The following URI1 variants were observed in gnomAD, a reference collection of about 807,000 sequenced individuals.
The protein encoded by URI1 is unconventional prefoldin RPB5 interactor 1.
In URI1, 39 loss-of-function variants were observed where a neutral mutation model predicts 60.2. The observed-to-expected ratio is 0.65, with a 90% CI of 0.50 to 0.85. The LOEUF is 0.85. Ranked by LOEUF, URI1 falls within the 40% of genes least tolerant of loss-of-function variation. The pLI is 0.00. For missense variants in URI1, 691 were observed against 665.9 expected (o/e 1.04, Z -0.42); for synonymous variants, 251 against 236.8 (o/e 1.06, Z -0.55).
chr19:29,951,717 T>A (rs77839953), intron 1 of URI1, among the ~76,000 whole-genome samples: 9,298 of 152,202 alleles, frequency 0.061, 441 homozygotes, highest in East Asian at 0.22. Context: ...CAGCTACTTT[T>A]TTGTATTTTT....
chr19:30,015,627 C>A lies in URI1; in HGVS notation c.*558C>A. 6.8e-7 allele frequency: 1 copy of A among 1,474,048 alleles called. No individual in the cohort carries two copies. The allele number at this position is 1,474,048 out of a possible 1,614,324, so 91.3% of individuals were successfully genotyped here. On this transcript the variant is annotated 3_prime_UTR_variant, in exon 11 of 11. Transcript: ENST00000392271. ...AAGAAAGCTACATGAATTAATTGTA[C>A]TCTATGGGAAAATTTCTTTGGAAAG...
intron 4 of URI1, among the ~76,000 whole-genome samples, chr19:29,986,959 A>T (rs1186914775): frequency 6.6e-6 from 1 of 152,138 alleles, no homozygotes; most frequent in East Asian, 1.9e-4. Context: ...CAGTTGTTTG[A>T]GTTCTCTGCA....
At chr19:29,962,616 T>C (rs2055340926) in intron 1 of URI1, among the ~76,000 whole-genome samples, 1 of 151,780 alleles carries the variant, frequency 6.6e-6, no homozygotes, top group South Asian at 2.1e-4. Flanking sequence ...TTTTTTATCC[T>C]GTACCTTTAC....
chr19:29,932,826 T>C (rs1389986870), intron 1 of URI1, among the ~76,000 whole-genome samples: 1 of 151,238 alleles, frequency 6.6e-6, no homozygotes, highest in Non-Finnish European at 1.5e-5. Flanking sequence ...TAATTTTTTG[T>C]ATTTTTAGTA....
intron 1 of URI1, among the ~76,000 whole-genome samples, chr19:29,944,710 G>C (rs973062294): frequency 1.3e-5 from 2 of 152,170 alleles, no homozygotes; most frequent in African/African-American, 4.8e-5. Flanking sequence ...AAATAACCAC[G>C]TATATCTGTC....
chr19:29,975,928 C>T (rs1049316388), intron 2 of URI1, among the ~76,000 whole-genome samples: 6 of 152,070 alleles, frequency 3.9e-5, no homozygotes, highest in African/African-American at 1.4e-4. Flanking sequence ...GTGTATTCAT[C>T]TACATGTTTA....
At chr19:29,927,521 C>A (rs796624437) in intron 1 of URI1, among the ~76,000 whole-genome samples, 11 of 148,678 alleles carry the variant, frequency 7.4e-5, no homozygotes, top group African/African-American at 2.8e-4. Flanking sequence ...CTCGGCCTCC[C>A]AAAGTACTGG....
intron 7 of URI1, among the ~76,000 whole-genome samples, chr19:30,008,147 A>G (rs2055968377): frequency 6.6e-6 from 1 of 152,246 alleles, no homozygotes; most frequent in South Asian, 2.1e-4. Flanking sequence ...AGCTATATGT[A>G]TGAGAAACTT....
Position 30,015,195 on chromosome 19 carries a change from C to G in URI1, c.*126C>G. 1.4e-6 allele frequency: 2 copies of G among 1,443,698 alleles called. No individual in the cohort carries two copies. The highest frequency in any genetic ancestry group is 1.8e-6 in the Non-Finnish European group (2 of 1,101,000). 89.4% of individuals were successfully genotyped at this position (1,443,698 alleles called of 1,614,324 possible). A position where few individuals can be genotyped will look rare whatever the true frequency, so the allele number is the denominator to read the frequency against. The stretch of plus-strand genomic sequence containing the variant: ...TCCTGAGTTACTTTGGCAACAAGTT[C>G]TTTTACCCTTACCCGTGGTATTTGA... On this transcript the variant is annotated 3_prime_UTR_variant, in exon 11 of 11. Coordinates refer to ENST00000392271, the MANE Select transcript of URI1 (RefSeq NM_003796.3).
intron 2 of URI1, among the ~76,000 whole-genome samples, chr19:29,980,806 C>T (rs184445849): frequency 0.012 from 1,840 of 150,386 alleles, 14 homozygotes; most frequent in Middle Eastern, 0.037. Flanking sequence ...CCTATAATCT[C>T]AGCTACTCAG....
intron 4 of URI1, among the ~76,000 whole-genome samples, chr19:29,998,996 G>A (rs1025163005): frequency 6.6e-6 from 1 of 151,768 alleles, no homozygotes; most frequent in Admixed American, 6.6e-5. Flanking sequence ...TTACCATGGC[G>A]ATTACATAGA....
chr19:29,985,088 T>A, intron 2 of URI1, 135 bp from the exon 3 acceptor site: 1 of 751,366 alleles, frequency 1.3e-6, no homozygotes, highest in East Asian at 3.0e-5. Context: ...CCACTGCACT[T>A]TAGCCTGGGC....
At chr19:29,983,547 T>C (rs1364400013) in intron 2 of URI1, among the ~76,000 whole-genome samples, 1 of 152,218 alleles carries the variant, frequency 6.6e-6, no homozygotes, top group Non-Finnish European at 1.5e-5. Context: ...TTTGACAATG[T>C]CTACATGTTC....
intron 1 of URI1, among the ~76,000 whole-genome samples, chr19:29,934,166 C>T (rs961283332): frequency 6.6e-6 from 1 of 152,028 alleles, no homozygotes; most frequent in Non-Finnish European, 1.5e-5. Context: ...GAACTTCTGA[C>T]CTTAGGTGAT....
At chr19:29,950,014 G>A (rs914256689) in intron 1 of URI1, among the ~76,000 whole-genome samples, 4 of 152,174 alleles carry the variant, frequency 2.6e-5, no homozygotes, top group Non-Finnish European at 4.4e-5. Context: ...ATAGCCGAAG[G>A]CACATTCCGT....
chr19:29,935,120 T>C (rs533201820), intron 1 of URI1, among the ~76,000 whole-genome samples: 7 of 152,348 alleles, frequency 4.6e-5, no homozygotes, highest in African/African-American at 1.7e-4. Context: ...ATTTTTTTGG[T>C]ATTTAATAGA....
At chr19:29,941,056 A>G (rs906633679), upstream of URI1, among the ~76,000 whole-genome samples, 2 of 152,176 alleles carry the variant, frequency 1.3e-5, no homozygotes, top group African/African-American at 2.4e-5. Context: ...CTTCCTTTGA[A>G]GCCATAAAAA....
chr19:29,927,564 T>G (rs1444762730), intron 1 of URI1, among the ~76,000 whole-genome samples: 13 of 110,334 alleles, frequency 1.2e-4, no homozygotes, highest in African/African-American at 5.4e-4. Flanking sequence ...ACCCGGCTTT[T>G]TTTTTTTTTT....
At chr19:30,011,341 G>A in intron 9 of URI1, 105 bp downstream of exon 9, 1 of 1,405,474 alleles carries the variant, frequency 7.1e-7, no homozygotes, top group South Asian at 1.6e-5. Flanking sequence ...GACCCTCACT[G>A]AAAAGTGAAG....
Sources: allele counts gnomAD v4.1 joint callset (sites outside exome capture counted in the v4.1 genomes callset), GRCh38; gene constraint gnomAD v4.1.1; transcripts MANE v1.5; gene names NCBI Gene and HGNC (gene_info 2026-07-23, HGNC 2026-07-21).